Variants in ORC2 observed in about 807,000 individuals in gnomAD.
ORC2 encodes origin recognition complex subunit 2.
ORC2 carries 37 observed loss-of-function variants against 77.7 expected under a neutral mutation model. That is an observed-to-expected ratio of 0.48 (90% CI 0.37 to 0.63). The LOEUF is 0.63. ORC2 is among the 20% of genes least tolerant of loss of function. ORC2 has a pLI of 0.00. For synonymous variants in ORC2, 201 were observed against 229.5 expected (o/e 0.88, Z 1.12); for missense variants, 557 against 661.9 (o/e 0.84, Z 1.74).
At chr2:200,930,614 G>A (rs1045432665) in intron 11 of ORC2, among the ~76,000 whole-genome samples, 1 of 151,558 alleles carries the variant, frequency 6.6e-6, no homozygotes, top group Non-Finnish European at 1.5e-5. Context: ...CCAAGTGCCT[G>A]GTCCATGGCT....
chr2:200,933,762 A>T, intron 10 of ORC2, 114 bp downstream of exon 10: 1 of 568,754 alleles, frequency 1.8e-6, no homozygotes, highest in Non-Finnish European at 3.2e-6. Context: ...CTTGTGTTTC[A>T]TTTGATCAGG....
chr2:200,923,504 C>A (rs2040792524), intron 13 of ORC2, among the ~76,000 whole-genome samples: 1 of 152,130 alleles, frequency 6.6e-6, no homozygotes, highest in African/African-American at 2.4e-5. Context: ...CCTGCCTCGG[C>A]CTCCCAAAGT....
intron 7 of ORC2, among the ~76,000 whole-genome samples, chr2:200,938,512 A>C (rs2041089136): frequency 6.6e-6 from 1 of 152,206 alleles, no homozygotes. Flanking sequence ...TATTTAAAAA[A>C]TTGTAACTTT....
At chr2:200,956,585 C>G (rs1052517599) in intron 4 of ORC2, among the ~76,000 whole-genome samples, 1 of 152,104 alleles carries the variant, frequency 6.6e-6, no homozygotes, top group Non-Finnish European at 1.5e-5. Context: ...CTGCCTCAGT[C>G]TCCCAATGTA....
At position 200,957,500 on chromosome 2, in the gene ORC2, T is replaced by C; in HGVS notation, c.139A>G (p.Lys47Glu). Residue 47 changes from lysine to glutamate, a missense_variant, in exon 4 of 18, where the codon AAA (lysine) becomes GAA (glutamate). Transcript: ENST00000234296. Reference protein sequence around the residue: ...KERAQLLVNPKKIIKKPEYDL... With the variant: ...KERAQLLVNPEKIIKKPEYDL... ...TATTCTGGCTTCTTTATTATTTTTTTGGGGTTGACCAAAAGCTGCGCTCGC... is the reference window on the plus strand; with the variant it reads ...TATTCTGGCTTCTTTATTATTTTTTCGGGGTTGACCAAAAGCTGCGCTCGC... 1 of 1,611,200 alleles carries C rather than the reference T, an allele frequency of 6.2e-7. No individual in the cohort carries two copies. The highest frequency in any genetic ancestry group is 8.5e-7 in the Non-Finnish European group (1 of 1,178,672).
chr2:200,961,920 A>G (rs1206226343), intron 1 of ORC2, among the ~76,000 whole-genome samples: 2 of 152,188 alleles, frequency 1.3e-5, no homozygotes, highest in Non-Finnish European at 2.9e-5. Flanking sequence ...ATGTGGGGAC[A>G]AGATTTTCTA....
chr2:200,943,457 A>G (rs2041191353), intron 5 of ORC2, among the ~76,000 whole-genome samples: 1 of 152,166 alleles, frequency 6.6e-6, no homozygotes, highest in Admixed American at 6.5e-5. Context: ...GTTATCTTTA[A>G]TGATGCTCTC....
chr2:200,923,410 G>A (rs771887374), intron 13 of ORC2, among the ~76,000 whole-genome samples: 6 of 151,812 alleles, frequency 4.0e-5, no homozygotes, highest in Non-Finnish European at 5.9e-5. Context: ...CACCAGGACC[G>A]GCTAGTTTTT....
chr2:200,924,084 T>C (rs1237350054), intron 13 of ORC2, among the ~76,000 whole-genome samples: 1 of 152,146 alleles, frequency 6.6e-6, no homozygotes. Flanking sequence ...GCTGGGCTCA[T>C]GCCTGTAATC....
intron 13 of ORC2, among the ~76,000 whole-genome samples, chr2:200,922,439 A>AG (rs397773001): frequency 6.6e-6 from 1 of 151,398 alleles, no homozygotes; most frequent in African/African-American, 2.4e-5. Context: ...ACCGTATGAA[A>AG]CAGAAAAATA....
chr2:200,957,374 G>A (rs1204311382), intron 4 of ORC2, 27 bp downstream of exon 4: 6 of 1,518,470 alleles, frequency 4.0e-6, no homozygotes, highest in East Asian at 2.4e-5. Context: ...TAGCAGAAAC[G>A]AGTGTATATT....
chr2:200,914,375 C>T (rs1192812723), intron 15 of ORC2, among the ~76,000 whole-genome samples: 1 of 152,088 alleles, frequency 6.6e-6, no homozygotes, highest in Non-Finnish European at 1.5e-5. Context: ...ACCGTGTTAG[C>T]CAGGATGGTC....
At chr2:200,949,178 T>C (rs1299486638) in intron 5 of ORC2, among the ~76,000 whole-genome samples, 2 of 150,256 alleles carry the variant, frequency 1.3e-5, no homozygotes, top group African/African-American at 2.5e-5. Context: ...GAGGTGGAGG[T>C]TGCAGTGAGC....
At chr2:200,919,087 C>T (rs1330777662) in intron 15 of ORC2, among the ~76,000 whole-genome samples, 2 of 152,144 alleles carry the variant, frequency 1.3e-5, no homozygotes, top group South Asian at 2.1e-4. Context: ...GCCTTAGCTT[C>T]GCATAGTGTT....
chr2:200,924,785 G>A (rs16835772), intron 13 of ORC2, among the ~76,000 whole-genome samples: 2 of 152,044 alleles, frequency 1.3e-5, no homozygotes, highest in African/African-American at 4.8e-5. Flanking sequence ...TTTAGATAGA[G>A]TCTCACTCTA....
At chr2:200,963,298 C>G (rs1054725219) in intron 1 of ORC2, 192 bp downstream of exon 1, 9 of 396,728 alleles carry the variant, frequency 2.3e-5, no homozygotes, top group Non-Finnish European at 3.5e-5. Context: ...GTTCTCGAGC[C>G]CCCGGGCAGC....
intron 15 of ORC2, among the ~76,000 whole-genome samples, chr2:200,919,999 T>C (rs567541198): frequency 6.6e-6 from 1 of 152,312 alleles, no homozygotes; most frequent in South Asian, 2.1e-4. Context: ...TTCAGAAATA[T>C]CAAAGAAATA....
intron 4 of ORC2, among the ~76,000 whole-genome samples, chr2:200,954,123 C>T (rs2041418546): frequency 6.6e-6 from 1 of 151,670 alleles, no homozygotes; most frequent in Admixed American, 6.6e-5. Context: ...ACCTCCATCT[C>T]CCGGGTTCAA....
intron 5 of ORC2, among the ~76,000 whole-genome samples, chr2:200,947,594 CT>C (rs1437177113): frequency 6.6e-6 from 1 of 152,160 alleles, no homozygotes; most frequent in Non-Finnish European, 1.5e-5. Flanking sequence ...TTGTTCCTGA[CT>C]TTTTGGTATT....
Sources: gnomAD v4.1 joint callset for allele counts (sites outside exome capture counted in the v4.1 genomes callset) on GRCh38, gnomAD v4.1.1 for gene constraint, MANE v1.5 for transcripts, NCBI Gene and HGNC (gene_info 2026-07-23, HGNC 2026-07-21) for gene names.